GFI1B: variants seen among roughly 807,000 people sequenced by gnomAD.
GFI1B encodes zinc finger protein Gfi-1b.
In GFI1B, 20 loss-of-function variants were observed where a neutral mutation model predicts 35.3. That is an observed-to-expected ratio of 0.57 (90% CI 0.40 to 0.82). The LOEUF is 0.82. Among genes scored for constraint, GFI1B ranks in the 40% least tolerant of loss-of-function variants. The pLI is 0.00. For synonymous variants in GFI1B, 178 were observed against 177.6 expected, an observed-to-expected ratio of 1.00 and a Z score of -0.02; for missense variants, 430 against 446.3, an observed-to-expected ratio of 0.96 and a Z score of 0.33.
intron 1 of GFI1B, among the ~76,000 whole-genome samples, chr9:132,965,021 T>A (rs545243127): frequency 1.8e-4 from 28 of 152,298 alleles, no homozygotes; most frequent in Middle Eastern, 3.4e-3. Flanking sequence ...TATCAATAAT[T>A]TACTATGGCC....
intron 1 of GFI1B, 113 bp downstream of exon 1, chr9:132,978,954 T>C (rs1030417677): frequency 1.3e-5 from 2 of 152,090 alleles, no homozygotes; most frequent in Non-Finnish European, 2.9e-5. Flanking sequence ...AAAGGTGAGG[T>C]GGGCTGGAAA....
At chr9:132,951,989 GA>G (rs1848210014) in intron 1 of GFI1B, 1 of 151,996 alleles carries the variant, frequency 6.6e-6, no homozygotes, top group South Asian at 2.1e-4. Context: ...GGCTGGTCTT[GA>G]ACTCCTGGAC....
intron 1 of GFI1B, among the ~76,000 whole-genome samples, chr9:132,985,398 C>T (rs1849007544): frequency 6.6e-6 from 1 of 152,166 alleles, no homozygotes. Context: ...GGTAGTGATG[C>T]TGGGCTGCCC....
chr9:132,992,935 G>A (rs866082061), downstream of GFI1B, among the ~76,000 whole-genome samples: 4 of 151,868 alleles, frequency 2.6e-5, no homozygotes, highest in African/African-American at 9.7e-5. Flanking sequence ...ACAACCTTCT[G>A]CAATGGAATG....
chr9:132,984,486 C>G (rs979153102), intron 1 of GFI1B, among the ~76,000 whole-genome samples: 7 of 152,188 alleles, frequency 4.6e-5, no homozygotes, highest in Non-Finnish European at 1.0e-4. Context: ...AATTTTAGAG[C>G]TCAGAGAGTA....
Position 132,988,236 on chromosome 9 carries a change from C to T in GFI1B, c.278C>T (p.Ser93Phe), listed in dbSNP as rs1470967398. 127 of 1,613,804 alleles carry T rather than the reference C, an allele frequency of 7.9e-5. No individual in the cohort carries two copies. Among genetic ancestry groups the T allele is most frequent in the Non-Finnish European group, 1.0e-4 (121 of 1,179,760 alleles). Reference protein sequence around the residue: ...IVLSRPQDGDSPLSDSPPFYK... With the variant: ...IVLSRPQDGDFPLSDSPPFYK... ...CTGTCCCGACCCCAGGATGGGGACT[C>T]TCCACTGTCCGACTCACCCCCATTC... The change falls in exon 4 of 7, where the codon TCT becomes TTT. Residue 93 changes from serine to phenylalanine, a missense_variant. Physicochemically the swap from Ser to Phe is radical, Grantham distance 155. Transcript: ENST00000372122.
At chr9:132,988,092 T>C in intron 3 of GFI1B, 105 bp from the exon 4 acceptor site, 1 of 1,016,718 alleles carries the variant, frequency 9.8e-7, no homozygotes, top group Non-Finnish European at 1.6e-6. Context: ...GTGACCCACT[T>C]GCCTCAGCCT....
At chr9:132,985,512 C>T (rs1470415168) in intron 1 of GFI1B, among the ~76,000 whole-genome samples, 6 of 152,142 alleles carry the variant, frequency 3.9e-5, no homozygotes, top group Admixed American at 6.5e-5. Context: ...TCCCCACACC[C>T]CACTCCTCAG....
intron 4 of GFI1B, 144 bp from the exon 5 acceptor site, chr9:132,988,917 C>A: frequency 1.3e-6 from 1 of 769,772 alleles, no homozygotes; most frequent in Admixed American, 2.0e-5. Flanking sequence ...ACACAGCAAG[C>A]AAGCAGCAGA....
At chr9:132,982,452 T>G (rs1848861217) in intron 1 of GFI1B, among the ~76,000 whole-genome samples, 1 of 152,148 alleles carries the variant, frequency 6.6e-6, no homozygotes, top group Non-Finnish European at 1.5e-5. Context: ...GTCGCCTGTC[T>G]TCAAGAAGCA....
upstream of GFI1B, among the ~76,000 whole-genome samples, chr9:132,974,220 G>A (rs959063917): frequency 6.6e-6 from 1 of 152,202 alleles, no homozygotes; most frequent in African/African-American, 2.4e-5. Flanking sequence ...TAAGCCCTGA[G>A]CTGTGTGCCT....
chr9:132,979,153 G>A (rs1308344225), intron 1 of GFI1B, among the ~76,000 whole-genome samples: 1 of 151,962 alleles, frequency 6.6e-6, no homozygotes, highest in Non-Finnish European at 1.5e-5. Context: ...GACCTGGGCA[G>A]TGCTCAGGGA....
At chr9:132,983,881 C>T (rs964570468) in intron 1 of GFI1B, among the ~76,000 whole-genome samples, 51 of 152,230 alleles carry the variant, frequency 3.4e-4, no homozygotes, top group Non-Finnish European at 6.9e-4. Flanking sequence ...GCCAGACAGA[C>T]CCCAGTCCTT....
intron 1 of GFI1B, among the ~76,000 whole-genome samples, chr9:132,967,713 GTGTCA>G (rs1328076548): frequency 1.3e-5 from 2 of 152,152 alleles, no homozygotes; most frequent in Non-Finnish European, 2.9e-5. Flanking sequence ...TATGGGTGAA[GTGTCA>G]TGATATCTAT....
At chr9:132,964,628 A>G (rs1848420713) in intron 1 of GFI1B, among the ~76,000 whole-genome samples, 1 of 152,104 alleles carries the variant, frequency 6.6e-6, no homozygotes, top group Non-Finnish European at 1.5e-5. Flanking sequence ...CTACACACAC[A>G]AAAATACTTC....
intron 1 of GFI1B, among the ~76,000 whole-genome samples, chr9:132,981,177 G>A (rs1394083850): frequency 1.3e-5 from 2 of 152,242 alleles, no homozygotes; most frequent in Non-Finnish European, 2.9e-5. Flanking sequence ...GATTACAGGT[G>A]TGAGCCACTA....
At chr9:132,982,167 T>C (rs1441729638) in intron 1 of GFI1B, among the ~76,000 whole-genome samples, 1 of 152,260 alleles carries the variant, frequency 6.6e-6, no homozygotes, top group East Asian at 1.9e-4. Context: ...ACAAGTCTTT[T>C]AGTCAAGGTG....
rs1849224660 is a variant in GFI1B, at chr9:132,989,837, C to T, written c.744C>T (p.Tyr248=). The change falls in exon 6 of 7, where the codon TAC becomes TAT. Residue 248 remains tyrosine, a synonymous_variant. Transcript: ENST00000372122. The surrounding 1 kb of genome is among the most constrained non-coding windows in gnomAD (Gnocchi z 6.2). ...TCATCCACTCAGACACGCGGCCCTA[C>T]CCCTGCCAGTTCTGCGGCAAGCGTT... The part of the protein sequence containing the change: ...HLLIHSDTRP[Y]PCQFCGKRFH... 6.2e-7 allele frequency: 1 copy of T among 1,614,202 alleles called. No homozygotes were observed. Among genetic ancestry groups the T allele is most frequent in the East Asian group, 2.2e-5 (1 of 44,890 alleles).
At chr9:132,978,548 G>T (rs1435324781), upstream of GFI1B, 1 of 152,232 alleles carries the variant, frequency 6.6e-6, no homozygotes, top group African/African-American at 2.4e-5. Flanking sequence ...TTAGAAATGA[G>T]AATTCGAAGT....
Sources: gnomAD v4.1 joint callset for allele counts (sites outside exome capture counted in the v4.1 genomes callset) on GRCh38, gnomAD v4.1.1 for gene constraint, Gnocchi (gnomAD v3.1) non-coding constraint, MANE v1.5 for transcripts, NCBI Gene and HGNC (gene_info 2026-07-23, HGNC 2026-07-21) for gene names.